SNX18: variants seen among roughly 807,000 people sequenced by gnomAD.
SNX18 encodes the protein sorting nexin 18.
SNX18 carries 35 observed loss-of-function variants against 48.7 expected under a neutral mutation model. The ratio of observed to expected loss-of-function variants is 0.72; its 90% CI spans 0.55 to 0.95. The LOEUF is 0.95. Ranked by LOEUF, SNX18 falls within the 40% of genes least tolerant of loss-of-function variation. The pLI, the probability that SNX18 is intolerant of heterozygous loss-of-function variation, is 0.00. For synonymous variants in SNX18, 492 were observed against 384.7 expected, an observed-to-expected ratio of 1.28 and a Z score of -3.26; for missense variants, 824 against 871.0, an observed-to-expected ratio of 0.95 and a Z score of 0.68.
the SNX18 span, among the ~76,000 whole-genome samples, chr5:54,639,047 C>T: frequency 3.3e-5 from 5 of 152,198 alleles, no homozygotes; most frequent in East Asian, 9.6e-4. Flanking sequence ...GAGAGGAATA[C>T]AAATGTGGAT....
chr5:54,588,314 T>A, the SNX18 span, among the ~76,000 whole-genome samples: 6 of 6,594 alleles, frequency 9.1e-4, no homozygotes, highest in Admixed American at 1.7e-3. Flanking sequence ...TTCTTTTTTT[T>A]TTTTTTTTTT....
the SNX18 span, among the ~76,000 whole-genome samples, chr5:54,630,339 G>A: frequency 2.1e-3 from 320 of 152,282 alleles, 1 homozygote; most frequent in African/African-American, 7.2e-3. Context: ...GTGTGTGTGC[G>A]TGTGCATGTG....
Position 54,518,666 on chromosome 5 carries a change from C to G in SNX18, c.714C>G (p.Ser238=), listed in dbSNP as rs757806316. ...NLNRFSTFVK[S]GGEAFVLGEA... is the part of the protein sequence containing the mutation. ...ATCGCTTCTCCACCTTCGTCAAGTC[C>G]GGCGGGGAGGCCTTCGTGCTGGGGG... The change falls in exon 1 of 2, where the codon TCC becomes TCG. Residue 238 remains serine (S), a synonymous_variant. Transcript: ENST00000381410. 31 of 1,559,542 alleles carry G rather than the reference C, an allele frequency of 2.0e-5. No individual in the cohort carries two copies. The African/African-American group carries it at 3.8e-4, about 19-fold the overall frequency.
the SNX18 span, among the ~76,000 whole-genome samples, chr5:54,637,158 A>T: frequency 6.6e-6 from 1 of 152,180 alleles, no homozygotes. Flanking sequence ...CCAAGAATAC[A>T]AGCAGAACAT....
chr5:54,550,505 G>T (rs573087176), downstream of SNX18, among the ~76,000 whole-genome samples: 45 of 152,158 alleles, frequency 3.0e-4, no homozygotes, highest in African/African-American at 9.9e-4. Flanking sequence ...AAAATTAAAT[G>T]AAAAAAAGAG....
At position 54,518,762 on chromosome 5, in the gene SNX18, G is replaced by A; in HGVS notation, c.810G>A (p.Gln270=). 1 of 1,606,770 alleles carries A rather than the reference G, an allele frequency of 6.2e-7. No homozygotes were observed. The highest frequency in any genetic ancestry group is 8.5e-7 in the Non-Finnish European group (1 of 1,176,152). Residue 270 remains glutamine, a synonymous_variant, in exon 1 of 2, where the codon CAG becomes CAA. Transcript: ENST00000381410. ...TGGGGCCCTATGGCCCCGAGTGGCA[G>A]GAGAACCCCTACCCGTTCCAGTGCA... is the stretch of plus-strand genomic sequence containing the variant. ...VVLGPYGPEW[Q]ENPYPFQCTI...
Position 54,519,242 on chromosome 5 carries a change from C to T in SNX18, c.1290C>T (p.Gly430=), listed in dbSNP as rs1317375349. Residue 430 remains glycine, a synonymous_variant, in exon 1 of 2, where the codon GGC becomes GGT. Transcript: ENST00000381410. Reference sequence around the variant, plus strand: ...AGGAGGTGGAGAGCAAGATCGACGGCTTCAAGTGCTTCACCAAGAAGATGG... The same window carrying T: ...AGGAGGTGGAGAGCAAGATCGACGGTTTCAAGTGCTTCACCAAGAAGATGG... ...DLQEVESKID[G]FKCFTKKMDD... is the part of the protein sequence containing the mutation. 1 of 1,614,076 alleles carries T rather than the reference C, an allele frequency of 6.2e-7. No individual in the cohort carries two copies.
intron 1 of SNX18, among the ~76,000 whole-genome samples, chr5:54,529,035 G>A (rs746581597): frequency 2.3e-4 from 35 of 152,180 alleles, no homozygotes; most frequent in African/African-American, 5.1e-4. Flanking sequence ...GCGGAAACAC[G>A]GAAGATCAAA....
chr5:54,644,692 G>C, the SNX18 span: 1 of 152,308 alleles, frequency 6.6e-6, no homozygotes, highest in Admixed American at 6.5e-5. Context: ...ATTTGCCCTG[G>C]TGTGTCCTCC....
the SNX18 span, among the ~76,000 whole-genome samples, chr5:54,638,977 A>G: frequency 6.6e-6 from 1 of 152,188 alleles, no homozygotes. Flanking sequence ...TCTCTTTTAA[A>G]ATATTATTTA....
the SNX18 span, among the ~76,000 whole-genome samples, chr5:54,590,312 A>C: frequency 6.6e-6 from 1 of 152,172 alleles, no homozygotes; most frequent in African/African-American, 2.4e-5. Context: ...AGGGTGTTTG[A>C]TTTATGTAGT....
chr5:54,527,201 T>A (rs1328551240), intron 1 of SNX18, among the ~76,000 whole-genome samples: 3 of 152,128 alleles, frequency 2.0e-5, no homozygotes, highest in African/African-American at 7.2e-5. Flanking sequence ...ACTGGACATA[T>A]TAACAGACTT....
At chr5:54,572,742 G>GTA in the SNX18 span, among the ~76,000 whole-genome samples, 14 of 41,672 alleles carry the variant, frequency 3.4e-4, no homozygotes, top group African/African-American at 1.0e-3. Flanking sequence ...GTGTGTGTGT[G>GTA]TGTGTGTGTG....
chr5:54,638,412 T>C, the SNX18 span, among the ~76,000 whole-genome samples: 4 of 152,238 alleles, frequency 2.6e-5, no homozygotes, highest in African/African-American at 9.6e-5. Context: ...CTTGGATCCT[T>C]AGTTTTTGTA....
chr5:54,571,250 C>T, the SNX18 span, among the ~76,000 whole-genome samples: 2 of 151,994 alleles, frequency 1.3e-5, no homozygotes, highest in Non-Finnish European at 2.9e-5. Context: ...CCCAGTCTCT[C>T]GGGAGGGGAA....
the SNX18 span, among the ~76,000 whole-genome samples, chr5:54,591,082 C>A: frequency 2.0e-4 from 30 of 152,266 alleles, 1 homozygote; most frequent in African/African-American, 7.0e-4. Flanking sequence ...CTGTCAGCTT[C>A]CATAAATTAC....
At chr5:54,529,994 G>A (rs1486660306) in intron 1 of SNX18, among the ~76,000 whole-genome samples, 1 of 152,160 alleles carries the variant, frequency 6.6e-6, no homozygotes, top group Non-Finnish European at 1.5e-5. Flanking sequence ...AGGACAGTGT[G>A]GCAGTGCCAT....
intron 1 of SNX18, among the ~76,000 whole-genome samples, chr5:54,529,957 T>C (rs1294542252): frequency 3.3e-5 from 5 of 152,204 alleles, no homozygotes; most frequent in African/African-American, 1.2e-4. Context: ...TGGGTTCTCT[T>C]AGAGTTCTAG....
chr5:54,615,118 G>T, the SNX18 span, among the ~76,000 whole-genome samples: 1 of 152,146 alleles, frequency 6.6e-6, no homozygotes, highest in Admixed American at 6.5e-5. Flanking sequence ...AGAGAGGTCT[G>T]GGAGGAAGCC....
Sources: allele counts gnomAD v4.1 joint callset (sites outside exome capture counted in the v4.1 genomes callset), GRCh38; gene constraint gnomAD v4.1.1; transcripts MANE v1.5; gene names NCBI Gene and HGNC (gene_info 2026-07-23, HGNC 2026-07-21).